SLC36A4: variants seen among roughly 807,000 people sequenced by gnomAD.
SLC36A4 encodes neutral amino acid uniporter 4.
In SLC36A4, 49 loss-of-function variants were observed where a neutral mutation model predicts 50.5. The observed-to-expected ratio is 0.97, with a 90% CI of 0.77 to 1.23. SLC36A4 has a LOEUF of 1.23. SLC36A4 is among the 50% of genes most tolerant of loss of function. The pLI is 0.00. For missense variants in SLC36A4, 611 were observed against 608.4 expected (o/e 1.00, Z -0.05); for synonymous variants, 207 against 206.5 (o/e 1.00, Z -0.02).
Position 93,146,139 on chromosome 11 carries a change from G to A in SLC36A4, c.*2398C>T, listed in dbSNP as rs1321672470. The A allele has an allele frequency of 1.3e-5, 2 of 151,886 alleles. No homozygotes were observed. Among genetic ancestry groups the A allele is most frequent in the Non-Finnish European group, 2.9e-5 (2 of 67,916 alleles). 9.4% of individuals were successfully genotyped at this position (151,886 alleles called of 1,614,324 possible). A position where few individuals can be genotyped will look rare whatever the true frequency, so the allele number is the denominator to read the frequency against. On this transcript the variant is annotated 3_prime_UTR_variant, in exon 11 of 11. Transcript: ENST00000326402. ...GCCTGATTGATAATATACTCAAGAT[G>A]AGTTTGTGCTGAATTTAAAAATTAT...
At position 93,169,892 on chromosome 11, in the gene SLC36A4, T is replaced by A. The variant is rs997200587; in HGVS notation, c.541-1721A>T. 5.3e-5 allele frequency among the ~76,000 whole-genome samples: 8 copies of A among 152,174 alleles called. No individual in the cohort carries two copies. The South Asian group carries it at 1.7e-3, about 32-fold the overall frequency. Reference sequence around the variant, plus strand: ...AAAGCAGTATCTCCAATAATTAGATTAGATAATGATCAAAGTAAAGCTCTA... The same window carrying A: ...AAAGCAGTATCTCCAATAATTAGATAAGATAATGATCAAAGTAAAGCTCTA... On this transcript the variant is annotated intron_variant, in intron 6 of 10. Coordinates refer to ENST00000326402, the MANE Select transcript of SLC36A4 (RefSeq NM_152313.4).
intron 1 of SLC36A4, among the ~76,000 whole-genome samples, chr11:93,195,705 T>G (rs766454275): frequency 5.3e-5 from 8 of 152,182 alleles, no homozygotes; most frequent in African/African-American, 9.7e-5. Context: ...GCCACCTCCA[T>G]CACTCTGCTT....
intron 1 of SLC36A4, among the ~76,000 whole-genome samples, chr11:93,189,975 C>T (rs540980518): frequency 6.6e-6 from 1 of 152,202 alleles, no homozygotes; most frequent in Non-Finnish European, 1.5e-5. Context: ...AATAGTATTA[C>T]AATGTTCAGA....
intron 1 of SLC36A4, among the ~76,000 whole-genome samples, chr11:93,192,473 T>C (rs2134713983): frequency 6.6e-6 from 1 of 152,248 alleles, no homozygotes; most frequent in East Asian, 1.9e-4. Context: ...GAAAAGCCAC[T>C]AGAGCAGTGC....
chr11:93,180,966 AC>A, intron 5 of SLC36A4, 85 bp from the exon 6 acceptor site: 1 of 953,900 alleles, frequency 1.0e-6, no homozygotes, highest in Non-Finnish European at 1.6e-6. Flanking sequence ...GAGTTTTAAA[AC>A]ATTTTATTAT....
Position 93,196,373 on chromosome 11 carries a change from CT to C in SLC36A4, c.55+1404del, listed in dbSNP as rs1002228562. Among the ~76,000 whole-genome samples, 588 of 147,792 alleles carry C rather than the reference CT, an allele frequency of 4.0e-3. 3 individuals are homozygous for C. Among genetic ancestry groups the C allele is most frequent in the South Asian group, 8.9e-3 (42 of 4,710 alleles). On this transcript the variant is annotated intron_variant, in intron 1 of 10. Transcript: ENST00000326402. The stretch of plus-strand genomic sequence containing the variant: ...GAATTGCTGGGTCAAACGATAAGCA[CT>C]TTTTTTTTTTGAGACAGAGTCTCGC...
chr11:93,197,420 CAAT>C, intron 1 of SLC36A4: 1 of 366,890 alleles, frequency 2.7e-6, no homozygotes, highest in Non-Finnish European at 5.0e-6. Flanking sequence ...AAAAGCAGAA[CAAT>C]GATAACTTCC....
In SLC36A4 at chr11:93,184,393, C is replaced by T. The variant is rs1292308764; in HGVS notation, c.270+37G>A. ...AGGTTGCTATAAATGAGACTGAGAA[C>T]TGCATCTTAACTGGTGATTACAAAG... is the stretch of plus-strand genomic sequence containing the variant. On this transcript the variant is annotated intron_variant, in intron 3 of 10. Transcript: ENST00000326402. 6 of 1,269,000 alleles carry T rather than the reference C, an allele frequency of 4.7e-6. No homozygotes were observed. In the South Asian group the frequency reaches 7.2e-5, roughly 15 times the overall value. 78.6% of individuals were successfully genotyped at this position (1,269,000 alleles called of 1,614,324 possible).
At chr11:93,166,283 C>A in intron 7 of SLC36A4, 1 of 1,164,410 alleles carries the variant, frequency 8.6e-7, no homozygotes. Flanking sequence ...ACCTGCAAGT[C>A]CCAGGCTGTG....
intron 7 of SLC36A4, 144 bp from the exon 8 acceptor site, chr11:93,166,160 A>C (rs1216212151): frequency 7.7e-7 from 1 of 1,297,596 alleles, no homozygotes; most frequent in African/African-American, 1.5e-5. Context: ...CAAACACTTA[A>C]AGCATCCTCT....
chr11:93,181,132 C>A (rs887121261), intron 5 of SLC36A4, among the ~76,000 whole-genome samples: 3 of 152,032 alleles, frequency 2.0e-5, no homozygotes, highest in African/African-American at 7.2e-5. Context: ...ATCTTTACAA[C>A]AGGTAGCACT....
At chr11:93,197,332 G>C (rs1225665171) in intron 1 of SLC36A4, 3 of 172,086 alleles carry the variant, frequency 1.7e-5, no homozygotes, top group Non-Finnish European at 3.7e-5. Flanking sequence ...TGGTCAGCAC[G>C]ACCTGTTCGA....
At chr11:93,163,063 G>C (rs1590944190) in intron 8 of SLC36A4, among the ~76,000 whole-genome samples, 188 bp from the exon 9 acceptor site, 1 of 151,340 alleles carries the variant, frequency 6.6e-6, no homozygotes, top group Admixed American at 6.6e-5. Context: ...TTCTTAAAAA[G>C]ATTTAAACTC....
At position 93,146,964 on chromosome 11, in the gene SLC36A4, T is replaced by C. The variant is rs528606592; in HGVS notation, c.*1573A>G. ...CATGAATCCCTTTATGTTATGATTC[T>C]TGTATATATTTATTGTTGTTTTAGT... On this transcript the variant is annotated 3_prime_UTR_variant, in exon 11 of 11. Coordinates refer to ENST00000326402, the MANE Select transcript of SLC36A4 (RefSeq NM_152313.4). The C allele has an allele frequency of 1.1e-4, 16 of 152,196 alleles. No individual in the cohort carries two copies. The highest frequency in any genetic ancestry group is 1.0e-3 in the Admixed American group (16 of 15,264). 9.4% of individuals were successfully genotyped at this position (152,196 alleles called of 1,614,324 possible). A position where few individuals can be genotyped will look rare whatever the true frequency, so the allele number is the denominator to read the frequency against.
intron 9 of SLC36A4, chr11:93,160,078 T>G: frequency 8.1e-6 from 8 of 985,406 alleles, no homozygotes; most frequent in Non-Finnish European, 8.4e-6. Flanking sequence ...AAAGAAATCT[T>G]AAATGTAATC....
At chr11:93,169,089 G>A (rs531752272) in intron 6 of SLC36A4, among the ~76,000 whole-genome samples, 3 of 152,032 alleles carry the variant, frequency 2.0e-5, no homozygotes, top group African/African-American at 7.2e-5. Flanking sequence ...CAATATTGTC[G>A]AGTCTCTGGA....
intron 9 of SLC36A4, chr11:93,155,104 A>G (rs1446780716): frequency 6.6e-6 from 1 of 152,186 alleles, no homozygotes; most frequent in East Asian, 1.9e-4. Flanking sequence ...TGTAGGACCT[A>G]GAGGAAGAAA....
chr11:93,190,076 G>C (rs1015635875), intron 1 of SLC36A4, among the ~76,000 whole-genome samples: 2 of 152,144 alleles, frequency 1.3e-5, no homozygotes, highest in Non-Finnish European at 2.9e-5. Flanking sequence ...TTGTTCAACA[G>C]TGTGATCCCT....
intron 9 of SLC36A4, among the ~76,000 whole-genome samples, chr11:93,157,492 C>A (rs748840045): frequency 6.6e-6 from 1 of 152,028 alleles, no homozygotes; most frequent in Non-Finnish European, 1.5e-5. Flanking sequence ...AATGTTTTTC[C>A]ATTTGTTTGT....
Sources: allele counts gnomAD v4.1 joint callset (sites outside exome capture counted in the v4.1 genomes callset), GRCh38; gene constraint gnomAD v4.1.1; transcripts MANE v1.5; gene names NCBI Gene and HGNC (gene_info 2026-07-23, HGNC 2026-07-21).